Variants in TBC1D32 observed in about 807,000 individuals in gnomAD.
TBC1D32 encodes the protein protein broad-minded.
A neutral mutation model predicts 170.3 loss-of-function variants in TBC1D32; 151 were observed. The observed-to-expected ratio is 0.89, with a 90% CI of 0.78 to 1.01. The LOEUF (loss-of-function observed/expected upper bound fraction) is 1.01, where lower values mean the gene tolerates loss of function less well. Among genes scored for constraint, TBC1D32 ranks in the 50% least tolerant of loss-of-function variants. The probability of loss-of-function intolerance (pLI) is 0.00; values close to 1 mark genes in which losing one functional copy is unlikely to be tolerated. For synonymous variants in TBC1D32, 498 were observed against 488.0 expected (o/e 1.02, Z -0.27); for missense variants, 1,464 against 1,457.1 (o/e 1.00, Z -0.08).
intron 24 of TBC1D32, among the ~76,000 whole-genome samples, chr6:121,143,632 G>A (rs138634609): frequency 1.3e-4 from 20 of 152,252 alleles, no homozygotes; most frequent in African/African-American, 4.8e-4. Flanking sequence ...CAAAATCTGT[G>A]AATCATTACA....
chr6:121,170,044 T>A (rs1786738751), intron 22 of TBC1D32, among the ~76,000 whole-genome samples: 1 of 152,076 alleles, frequency 6.6e-6, no homozygotes, highest in Non-Finnish European at 1.5e-5. Flanking sequence ...AGCAGCTGAA[T>A]TAAAAGGCGA....
intron 1 of TBC1D32, among the ~76,000 whole-genome samples, chr6:121,330,566 C>G (rs1292126716): frequency 6.6e-6 from 1 of 152,148 alleles, no homozygotes; most frequent in Non-Finnish European, 1.5e-5. Context: ...CAACAAAACA[C>G]TCTATTTCTC....
intron 30 of TBC1D32, among the ~76,000 whole-genome samples, chr6:121,094,813 T>C (rs1434430180): frequency 6.6e-6 from 1 of 152,134 alleles, no homozygotes; most frequent in Non-Finnish European, 1.5e-5. Context: ...TTGCAGTGTT[T>C]CTAGTCTTTA....
At chr6:121,206,513 G>T (rs911556814) in intron 21 of TBC1D32, among the ~76,000 whole-genome samples, 1 of 152,062 alleles carries the variant, frequency 6.6e-6, no homozygotes, top group Non-Finnish European at 1.5e-5. Flanking sequence ...GCAAAGGAAT[G>T]AGTTTGTAAA....
intron 31 of TBC1D32, among the ~76,000 whole-genome samples, chr6:121,085,796 T>G (rs932552695): frequency 6.6e-6 from 1 of 152,080 alleles, no homozygotes; most frequent in African/African-American, 2.4e-5. Context: ...TAGTATGTGG[T>G]TCTTGAAGAT....
At chr6:121,119,520 C>G (rs140229124) in intron 26 of TBC1D32, among the ~76,000 whole-genome samples, 225 of 151,918 alleles carry the variant, frequency 1.5e-3, no homozygotes, top group African/African-American at 5.3e-3. Flanking sequence ...TTTTGATTAA[C>G]TAGCATTACG....
At chr6:121,200,165 A>T (rs2128298108) in intron 22 of TBC1D32, among the ~76,000 whole-genome samples, 1 of 151,584 alleles carries the variant, frequency 6.6e-6, no homozygotes, top group African/African-American at 2.4e-5. Context: ...CAAAGAAGAA[A>T]TAGGTTTTAG....
intron 24 of TBC1D32, among the ~76,000 whole-genome samples, chr6:121,142,302 T>G (rs1170016204): frequency 1.3e-5 from 2 of 152,258 alleles, no homozygotes; most frequent in Non-Finnish European, 2.9e-5. Context: ...GTGGCATGAC[T>G]GCCAGTAACC....
chr6:121,143,623 A>C (rs1783074290), intron 24 of TBC1D32, among the ~76,000 whole-genome samples: 1 of 152,208 alleles, frequency 6.6e-6, no homozygotes, highest in Non-Finnish European at 1.5e-5. Flanking sequence ...AACACCTTAC[A>C]AAATCTGTGA....
rs9387943 is a variant in TBC1D32, at chr6:121,297,677, C to A, written c.1140+1769G>T. 1.3e-3 allele frequency among the ~76,000 whole-genome samples: 195 copies of A among 152,138 alleles called. 5 individuals are homozygous for A. The East Asian group carries it at 0.035, about 27-fold the overall frequency. On this transcript the variant is annotated intron_variant, in intron 10 of 31. Coordinates refer to ENST00000398212, the MANE Select transcript of TBC1D32 (RefSeq NM_152730.6). ...AAAATTGATAGCTTAATGCTACCTA[C>A]TAAAAATGTCATAAACATAAGATAG...
At chr6:121,180,830 C>T (rs937247141) in intron 22 of TBC1D32, among the ~76,000 whole-genome samples, 1 of 151,970 alleles carries the variant, frequency 6.6e-6, no homozygotes, top group African/African-American at 2.4e-5. Context: ...GTAAACTATC[C>T]ATACAATAAA....
intron 23 of TBC1D32, 114 bp from the exon 24 acceptor site, chr6:121,160,217 C>A: frequency 1.5e-6 from 1 of 667,740 alleles, no homozygotes; most frequent in Non-Finnish European, 2.6e-6. Context: ...ATAAATTCTG[C>A]AGTTGTTGCC....
intron 25 of TBC1D32, among the ~76,000 whole-genome samples, chr6:121,130,469 A>C (rs1040718245): frequency 6.6e-6 from 1 of 152,150 alleles, no homozygotes; most frequent in Non-Finnish European, 1.5e-5. Flanking sequence ...ACGACAGAGC[A>C]AGACTCTGTC....
At chr6:121,267,026 T>C (rs1489050879) in intron 15 of TBC1D32, among the ~76,000 whole-genome samples, 1 of 146,976 alleles carries the variant, frequency 6.8e-6, no homozygotes, top group Non-Finnish European at 1.5e-5. Flanking sequence ...CATTTACCTA[T>C]GTAACAAACA....
At chr6:121,121,516 A>C (rs1780263387) in intron 26 of TBC1D32, among the ~76,000 whole-genome samples, 1 of 151,996 alleles carries the variant, frequency 6.6e-6, no homozygotes, top group South Asian at 2.1e-4. Context: ...CTGCCCCTTA[A>C]GTATTGGATA....
chr6:121,237,673 T>C (rs1303783125), intron 20 of TBC1D32, among the ~76,000 whole-genome samples: 1 of 152,040 alleles, frequency 6.6e-6, no homozygotes, highest in East Asian at 1.9e-4. Context: ...CATGTAAGTT[T>C]TTTTTAATTC....
At chr6:121,279,878 G>C (rs1386448585) in intron 14 of TBC1D32, among the ~76,000 whole-genome samples, 2 of 151,898 alleles carry the variant, frequency 1.3e-5, no homozygotes, top group African/African-American at 4.8e-5. Context: ...GTTAATGCTA[G>C]AGTGTATCTA....
chr6:121,192,082 A>ATATATATATATATATC (rs57260767), intron 22 of TBC1D32, among the ~76,000 whole-genome samples: 12 of 133,696 alleles, frequency 9.0e-5, no homozygotes, highest in African/African-American at 2.3e-4. Context: ...ATATATATAT[A>ATATATATATATATATC]TCCTATTAGT....
chr6:121,267,292 T>C (rs117542634), intron 15 of TBC1D32, among the ~76,000 whole-genome samples: 4,981 of 152,040 alleles, frequency 0.033, 194 homozygotes, highest in East Asian at 0.12. Context: ...GTGCAGCCCA[T>C]GGAGTGTGAA....
Sources: allele counts gnomAD v4.1 joint callset (sites outside exome capture counted in the v4.1 genomes callset), GRCh38; gene constraint gnomAD v4.1.1; transcripts MANE v1.5; gene names NCBI Gene and HGNC (gene_info 2026-07-23, HGNC 2026-07-21).